The following RABGGTA variants were observed in gnomAD, a reference collection of about 807,000 sequenced individuals.
RABGGTA encodes the protein geranylgeranyl transferase type-2 subunit alpha.
RABGGTA carries 69 observed loss-of-function variants against 83.3 expected under a neutral mutation model. The ratio of observed to expected loss-of-function variants is 0.83; its 90% CI spans 0.68 to 1.01. RABGGTA has a LOEUF of 1.01. Ranked by LOEUF, RABGGTA falls within the 50% of genes least tolerant of loss-of-function variation. The probability of loss-of-function intolerance (pLI) is 0.00; values close to 1 mark genes in which losing one functional copy is unlikely to be tolerated. For missense variants in RABGGTA, 681 were observed against 712.7 expected (o/e 0.96, Z 0.51); for synonymous variants, 310 against 299.8 (o/e 1.03, Z -0.35).
rs746990111 is a variant in RABGGTA, at chr14:24,269,648, C to T, written c.474G>A (p.Val158=). The part of the protein sequence containing the change: ...YRRFVATQAA[V]PPAEELAFTD... Reference sequence around the variant, plus strand: ...TGAAGGCTAGCTCTTCTGCAGGGGGCACGGCTGCCTGTGTGGCCACAAACC... The same window carrying T: ...TGAAGGCTAGCTCTTCTGCAGGGGGTACGGCTGCCTGTGTGGCCACAAACC... Residue 158 remains valine (V), a synonymous_variant, in exon 6 of 17, where the codon GTG becomes GTA. Transcript: ENST00000216840. The T allele has an allele frequency of 6.2e-7, 1 of 1,613,814 alleles. No homozygotes were observed. Among genetic ancestry groups the T allele is most frequent in the Admixed American group, 1.7e-5 (1 of 59,994 alleles).
In RABGGTA at chr14:24,265,674, C is replaced by G; in HGVS notation, c.1645G>C (p.Val549Leu). The G allele has an allele frequency of 1.2e-6, 2 of 1,613,616 alleles. No homozygotes were observed. The highest frequency in any genetic ancestry group is 1.1e-5 in the South Asian group (1 of 90,996). Residue 549 changes from valine to leucine, a missense_variant, in exon 17 of 17, where the codon GTG becomes CTG. Val to Leu is a conservative substitution (Grantham distance 32). This residue lies in a region of RABGGTA where 421 missense variants were observed against 418.5 expected (regional missense o/e 1.01). Transcript: ENST00000216840. ...NLQGNPLCQA[V>L]GILEQLAELL... ...TCAGCCAGTTGCTCCAAGATGCCCA[C>G]CGCTTGGCACAGCGGGTTACCCTGC... is the stretch of plus-strand genomic sequence containing the variant.
chr14:24,268,272 A>C lies in RABGGTA; in HGVS notation c.1059-74T>G, dbSNP rs192853311. The C allele has an allele frequency of 1.6e-5, 26 of 1,607,124 alleles. No homozygotes were observed. In the Admixed American group the frequency reaches 3.2e-4, roughly 20 times the overall value. On this transcript the variant is annotated intron_variant, in intron 11 of 16. Transcript: ENST00000216840. ...ACTGGTCAACATTCCCAGTATCTAG[A>C]CTGAAACAGCTCCTTGAGGCCCCAG...
Position 24,268,141 on chromosome 14 carries a change from C to T in RABGGTA, c.1116G>A (p.Lys372=), listed in dbSNP as rs2040897375. 1 of 1,580,840 alleles carries T rather than the reference C, an allele frequency of 6.3e-7. No homozygotes were observed. Among genetic ancestry groups the T allele is most frequent in the Non-Finnish European group, 8.6e-7 (1 of 1,158,572 alleles). ...TVLQSELESC[K]ELQELEPENK... ...TCTCAGGCTCCAGCTCCTGCAGCTCCTTACAGGATTCCAGCTCAGACTGCA... is the reference window on the plus strand; with the variant it reads ...TCTCAGGCTCCAGCTCCTGCAGCTCTTTACAGGATTCCAGCTCAGACTGCA... Residue 372 remains lysine, a synonymous_variant, in exon 12 of 17, where the codon AAG becomes AAA. Transcript: ENST00000216840.
intron 15 of RABGGTA, 81 bp downstream of exon 15, chr14:24,266,695 C>A: frequency 7.3e-7 from 1 of 1,373,384 alleles, no homozygotes; most frequent in Non-Finnish European, 1.0e-6. Flanking sequence ...TGCACATCTC[C>A]TTGTAGGATG....
At chr14:24,269,292 G>T in intron 6 of RABGGTA, 129 bp from the exon 7 acceptor site, 1 of 1,047,030 alleles carries the variant, frequency 9.6e-7, no homozygotes, top group African/African-American at 1.6e-5. Flanking sequence ...CTTGCACAGG[G>T]GCTACGTATG....
chr14:24,266,320 T>A (rs927437471), intron 16 of RABGGTA, 110 bp downstream of exon 16: 10 of 1,003,930 alleles, frequency 1.0e-5, no homozygotes, highest in African/African-American at 1.6e-5. Flanking sequence ...CAGAGCCCCC[T>A]CTCTCCTGCC....
Position 24,268,248 on chromosome 14 carries a change from C to G in RABGGTA, c.1059-50G>C, listed in dbSNP as rs761736359. ...AGTTGAGGCCCACAGCCCTGAAGCA[C>G]TGGTCAACATTCCCAGTATCTAGAC... On this transcript the variant is annotated intron_variant, in intron 11 of 16. Transcript: ENST00000216840. The G allele has an allele frequency of 2.6e-5, 42 of 1,608,288 alleles. No individual in the cohort carries two copies. The Admixed American group carries it at 7.0e-4, about 27-fold the overall frequency.
rs534734613 is a variant in RABGGTA at position 24,270,163 on chromosome 14, G to A, written c.240-23C>T. 6.9e-6 allele frequency: 11 copies of A among 1,592,038 alleles called. No homozygotes were observed. The African/African-American group carries it at 1.3e-4, about 19-fold the overall frequency. ...GACCTGTACCCAGAAGGGAAGGGGG[G>A]GGTCAGGGCTCTCCTACAGTCAACC... On this transcript the variant is annotated intron_variant, in intron 4 of 16. Coordinates refer to ENST00000216840, the MANE Select transcript of RABGGTA (RefSeq NM_182836.3).
At chr14:24,270,165 G>T (rs746533897) in intron 4 of RABGGTA, 25 bp from the exon 5 acceptor site, 117 of 1,590,298 alleles carry the variant, frequency 7.4e-5, no homozygotes, top group Non-Finnish European at 7.4e-5. Context: ...GAAGGGGGGG[G>T]TCAGGGCTCT....
intron 1 of RABGGTA, 69 bp from the exon 2 acceptor site, chr14:24,271,238 A>G (rs2040946153): frequency 1.5e-6 from 2 of 1,304,428 alleles, no homozygotes; most frequent in South Asian, 1.6e-5. Context: ...GTCCGGAAGC[A>G]GCAAGCGTGC....
chr14:24,267,252 T>C (rs1312790793), intron 14 of RABGGTA, among the ~76,000 whole-genome samples: 1 of 152,082 alleles, frequency 6.6e-6, no homozygotes, highest in Admixed American at 6.5e-5. Flanking sequence ...GGTGATGTGA[T>C]AAAACTAATG....
chr14:24,267,610 G>A, intron 14 of RABGGTA, 50 bp downstream of exon 14: 2 of 1,473,974 alleles, frequency 1.4e-6, no homozygotes, highest in Non-Finnish European at 9.3e-7. Context: ...AGGGACGTGG[G>A]GAGGCCAGCG....
Position 24,267,970 on chromosome 14 carries a change from G to A in RABGGTA, c.1148-12C>T, listed in dbSNP as rs767369266. On this transcript the variant is annotated splice_polypyrimidine_tract_variant and intron_variant, in intron 12 of 16. Transcript: ENST00000216840. ...GGTAAGCAGGCACCCTGAGGAGAGGGCAGGGAAAAGGAGGGTTTCTCTTGG... is the reference window on the plus strand; with the variant it reads ...GGTAAGCAGGCACCCTGAGGAGAGGACAGGGAAAAGGAGGGTTTCTCTTGG... 40 of 1,612,544 alleles carry A rather than the reference G, an allele frequency of 2.5e-5. No homozygotes were observed. Among genetic ancestry groups the A allele is most frequent in the Non-Finnish European group, 3.3e-5 (39 of 1,179,052 alleles).
rs541569687 is a variant in RABGGTA at position 24,270,513 on chromosome 14, AAAT to A, written c.115-58_115-56del. On this transcript the variant is annotated intron_variant, in intron 3 of 16. Coordinates refer to ENST00000216840, the MANE Select transcript of RABGGTA (RefSeq NM_182836.3). ...CATATAATTTTCCCACTACAGGACT[AAAT>A]AACGTAAACTTAAAACCATCCAATA... 4,906 of 1,600,008 alleles carry A rather than the reference AAAT, an allele frequency of 3.1e-3. 14 individuals are homozygous for A. Among genetic ancestry groups the A allele is most frequent in the Non-Finnish European group, 3.8e-3 (4,485 of 1,167,908 alleles).
rs749898253 is a variant in RABGGTA, at chr14:24,269,482, C to T, written c.631+9G>A. 6.4e-7 allele frequency: 1 copy of T among 1,561,160 alleles called. No homozygotes were observed. The highest frequency in any genetic ancestry group is 1.7e-5 in the Admixed American group (1 of 59,936). On this transcript the variant is annotated intron_variant, in intron 6 of 16. Coordinates refer to ENST00000216840, the MANE Select transcript of RABGGTA (RefSeq NM_182836.3). The stretch of plus-strand genomic sequence containing the variant: ...CAGAGTCCTCCTGAGCATCCCTGAC[C>T]CTGGTTACCTTTGAGCAGCACATCC...
At position 24,267,701 on chromosome 14, in the gene RABGGTA, T is replaced by A. The variant is rs201017775; in HGVS notation, c.1312A>T (p.Met438Leu). 7.4e-6 allele frequency: 12 copies of A among 1,611,928 alleles called. No individual in the cohort carries two copies. In the African/African-American group the frequency reaches 1.3e-4, roughly 18 times the overall value. Residue 438 changes from methionine to leucine, a missense_variant, in exon 14 of 17, where the codon ATG becomes TTG. Physicochemically the swap from Met to Leu is conservative, Grantham distance 15. Transcript: ENST00000216840. ...AGCACACGCACCTCGGCATACTCCA[T>A]CTTGAGCACGCTATTCTCCAGCAAG... ...KFLLENSVLK[M>L]EYAEVRVLHL... is the part of the protein sequence containing the mutation.
At position 24,265,602 on chromosome 14, in the gene RABGGTA, G is replaced by C; in HGVS notation, c.*13C>G. The C allele has an allele frequency of 4.3e-6, 7 of 1,612,518 alleles. No individual in the cohort carries two copies. Among genetic ancestry groups the C allele is most frequent in the Non-Finnish European group, 5.9e-6 (7 of 1,179,148 alleles). ...CCAATAAGTTAAAGGGCAAGGGTAG[G>C]GGGCAGGGCCTCTTAGGTGAGGACG... On this transcript the variant is annotated 3_prime_UTR_variant, in exon 17 of 17. Coordinates refer to ENST00000216840, the MANE Select transcript of RABGGTA (RefSeq NM_182836.3).
chr14:24,270,820 A>AC lies in RABGGTA; in HGVS notation c.114+16dup. 1 of 1,611,752 alleles carries AC rather than the reference A, an allele frequency of 6.2e-7. No homozygotes were observed. Among genetic ancestry groups the AC allele is most frequent in the Non-Finnish European group, 8.5e-7 (1 of 1,178,904 alleles). On this transcript the variant is annotated intron_variant, in intron 3 of 16. Coordinates refer to ENST00000216840, the MANE Select transcript of RABGGTA (RefSeq NM_182836.3). ...AAGGGAGCTACTTGGGGTCGGGGCT[A>AC]CCTCTGAGGGCCCCACCTTCTGGAA...
In RABGGTA at chr14:24,270,063, G is replaced by C; in HGVS notation, c.317C>G (p.Ser106Cys). 1 of 1,612,482 alleles carries C rather than the reference G, an allele frequency of 6.2e-7. No individual in the cohort carries two copies. The highest frequency in any genetic ancestry group is 8.5e-7 in the Non-Finnish European group (1 of 1,179,306). Residue 106 changes from serine (S) to cysteine (C), a missense_variant, in exon 5 of 17, where the codon TCT becomes TGT. Ser to Cys is a moderately radical substitution (Grantham distance 112). Coordinates refer to ENST00000216840, the MANE Select transcript of RABGGTA (RefSeq NM_182836.3). ...LESCLRVNPK[S>C]YGTWHHRCWL... ...GCATCGGTGGTGCCAGGTACCATAA[G>C]ACTTGGGGTTCACCCGCAGGCAGCT...
Sources: gnomAD v4.1 joint callset for allele counts (sites outside exome capture counted in the v4.1 genomes callset) on GRCh38, gnomAD v4.1.1 for gene constraint, gnomAD v4.1.1 regional missense constraint, MANE v1.5 for transcripts, NCBI Gene and HGNC (gene_info 2026-07-23, HGNC 2026-07-21) for gene names.